PCDHA6: variants seen among roughly 807,000 people sequenced by gnomAD.
The protein encoded by PCDHA6 is protocadherin alpha 6.
A neutral mutation model predicts 60.3 loss-of-function variants in PCDHA6; 55 were observed. That is an observed-to-expected ratio of 0.91 (90% CI 0.73 to 1.14). The LOEUF is 1.14. PCDHA6 is among the 50% of genes most tolerant of loss of function. PCDHA6 has a pLI of 0.00. For synonymous variants in PCDHA6, 652 were observed against 557.9 expected, an observed-to-expected ratio of 1.17 and a Z score of -2.38; for missense variants, 1,327 against 1,256.5, an observed-to-expected ratio of 1.06 and a Z score of -0.85.
At chr5:140,839,836 C>A (rs1318845846) in intron 1 of PCDHA6, among the ~76,000 whole-genome samples, 1 of 151,888 alleles carries the variant, frequency 6.6e-6, no homozygotes, top group African/African-American at 2.4e-5. Flanking sequence ...CATGATGAAT[C>A]CATGGAGAAT....
At position 140,830,276 on chromosome 5, in the gene PCDHA6, G is replaced by A. The variant is rs2150184038; in HGVS notation, c.2185G>A (p.Glu729Lys). The change falls in exon 1 of 4, where the codon GAG becomes AAG. Residue 729 changes from glutamate (E) to lysine (K), a missense_variant. By Grantham distance (56) the Glu-to-Lys change is moderately conservative. Transcript: ENST00000529310. ...TALRCSAPPT[E>K]GACTADKPTL... The stretch of plus-strand genomic sequence containing the variant: ...GCTGCGGTGCTCGGCGCCACCCACC[G>A]AGGGCGCGTGCACGGCGGACAAGCC... The A allele has an allele frequency of 2.4e-5, 38 of 1,613,712 alleles. No individual in the cohort carries two copies. Among genetic ancestry groups the A allele is most frequent in the East Asian group, 2.2e-4 (10 of 44,876 alleles).
At chr5:140,966,950 G>A (rs782713044) in intron 1 of PCDHA6, 3 of 1,603,480 alleles carry the variant, frequency 1.9e-6, no homozygotes, top group Non-Finnish European at 2.5e-6. Flanking sequence ...GGGCAACGTG[G>A]CTCGCGCGCT....
chr5:140,870,264 G>C (rs1554163970), intron 1 of PCDHA6: 1 of 1,614,166 alleles, frequency 6.2e-7, no homozygotes, highest in South Asian at 1.1e-5. Context: ...TGACCTGCTC[G>C]CTGACGCCCC....
chr5:140,883,627 G>T (rs781902332), intron 1 of PCDHA6: 78 of 1,613,816 alleles, frequency 4.8e-5, no homozygotes, highest in Non-Finnish European at 6.2e-5. Flanking sequence ...ACAACGCGCC[G>T]GCGTTCGCGC....
chr5:140,928,569 GCCCAGAAATGGTTCTGT>G, intron 1 of PCDHA6: 1 of 1,614,202 alleles, frequency 6.2e-7, no homozygotes, highest in Non-Finnish European at 8.5e-7. Flanking sequence ...TGTTTCCCTT[GCCCAGAAATGGTTCTGT>G]CCCAGTGGAA....
At chr5:140,935,638 T>G (rs1452378093) in intron 1 of PCDHA6, among the ~76,000 whole-genome samples, 2 of 152,214 alleles carry the variant, frequency 1.3e-5, no homozygotes, top group Admixed American at 6.5e-5. Context: ...TAGGGCTTGC[T>G]TTTTAAATTT....
In PCDHA6 at chr5:140,830,105, A is replaced by G; in HGVS notation, c.2014A>G (p.Ser672Gly). Residue 672 changes from serine (S) to glycine (G), a missense_variant, in exon 1 of 4, where the codon AGT becomes GGT. Transcript: ENST00000529310. ...CACGGTTCTGGTGTCGCTGGTGGAG[A>G]GTGGCCAGGCTCCAAAGGCGTCATC... ...TATVLVSLVE[S>G]GQAPKASSRA... The G allele has an allele frequency of 6.2e-7, 1 of 1,613,218 alleles. No homozygotes were observed. Among genetic ancestry groups the G allele is most frequent in the African/African-American group, 1.3e-5 (1 of 74,890 alleles).
At chr5:140,859,461 A>G (rs1394799940) in intron 1 of PCDHA6, 1 of 216,144 alleles carries the variant, frequency 4.6e-6, no homozygotes, top group Non-Finnish European at 9.0e-6. Flanking sequence ...TGACAAAACT[A>G]CACTATCAAT....
intron 1 of PCDHA6, among the ~76,000 whole-genome samples, chr5:140,907,316 A>G (rs2073307783): frequency 6.6e-6 from 1 of 152,194 alleles, no homozygotes; most frequent in African/African-American, 2.4e-5. Flanking sequence ...GAACATGTAA[A>G]GACCAGTGAA....
rs2042053771 is a variant in PCDHA6, at chr5:140,851,409, G to T, written c.2394+20924G>T. The T allele has an allele frequency of 1.7e-5, 16 of 964,844 alleles. 3 individuals are homozygous for T. Among genetic ancestry groups the T allele is most frequent in the Non-Finnish European group, 1.6e-5 (13 of 797,918 alleles). The allele number at this position is 964,844 out of a possible 1,614,324, so 59.8% of individuals were successfully genotyped here. On this transcript the variant is annotated intron_variant, in intron 1 of 3. Transcript: ENST00000529310. ...CAGTATCTATTATTTTAATAAGAAA[G>T]AAACTTCCCCTAAACTTTAGAAAAC...
At chr5:140,844,109 T>A (rs1779229208) in intron 1 of PCDHA6, among the ~76,000 whole-genome samples, 1 of 149,768 alleles carries the variant, frequency 6.7e-6, no homozygotes, top group Non-Finnish European at 1.5e-5. Flanking sequence ...CCATATGCTG[T>A]ACTTTGAAAT....
At chr5:140,833,100 T>C (rs1432109647) in intron 1 of PCDHA6, among the ~76,000 whole-genome samples, 1 of 152,166 alleles carries the variant, frequency 6.6e-6, no homozygotes, top group Non-Finnish European at 1.5e-5. Context: ...ACGAGTAATT[T>C]TGACACTCTT....
intron 1 of PCDHA6, among the ~76,000 whole-genome samples, chr5:140,970,254 T>C (rs1315934666): frequency 1.3e-5 from 2 of 152,238 alleles, no homozygotes; most frequent in African/African-American, 4.8e-5. Context: ...TGACAGTTTC[T>C]ATGGTTTTGA....
intron 1 of PCDHA6, among the ~76,000 whole-genome samples, chr5:140,916,649 G>A (rs1331435832): frequency 6.6e-6 from 1 of 152,166 alleles, no homozygotes; most frequent in Non-Finnish European, 1.5e-5. Flanking sequence ...TGGCTGAGCT[G>A]GTATCCAAGA....
intron 3 of PCDHA6, among the ~76,000 whole-genome samples, chr5:141,000,634 G>A (rs1554257716): frequency 6.6e-6 from 1 of 150,928 alleles, no homozygotes; most frequent in Non-Finnish European, 1.5e-5. Context: ...CACCATGTTG[G>A]GCAGGCTGGT....
chr5:140,852,117 T>C, intron 1 of PCDHA6: 1 of 906,144 alleles, frequency 1.1e-6, no homozygotes, highest in Non-Finnish European at 1.3e-6. Context: ...AGGTATGACC[T>C]AATTAAAAAC....
Position 140,829,833 on chromosome 5 carries a change from T to A in PCDHA6, c.1742T>A (p.Val581Glu). The change falls in exon 1 of 4, where the codon GTG becomes GAG. Residue 581 changes from valine to glutamate, a missense_variant. Val to Glu is a moderately radical substitution (Grantham distance 121, BLOSUM62 -2). Coordinates refer to ENST00000529310, the MANE Select transcript of PCDHA6 (RefSeq NM_018909.4). ...GGTGGAVSEL[V>E]PRSLGAGQVV... ...ACTGGTGGTGCAGTGAGCGAGCTGG[T>A]GCCGCGGTCACTGGGTGCAGGCCAA... 3.7e-6 allele frequency: 6 copies of A among 1,613,890 alleles called. No homozygotes were observed. The highest frequency in any genetic ancestry group is 5.1e-6 in the Non-Finnish European group (6 of 1,179,874).
At chr5:140,903,770 C>T (rs1583503336) in intron 1 of PCDHA6, among the ~76,000 whole-genome samples, 1 of 152,136 alleles carries the variant, frequency 6.6e-6, no homozygotes, top group Non-Finnish European at 1.5e-5. Flanking sequence ...CTGAACTTTT[C>T]TATCCATAAA....
At chr5:140,913,789 T>C (rs2076466373) in intron 1 of PCDHA6, among the ~76,000 whole-genome samples, 1 of 152,176 alleles carries the variant, frequency 6.6e-6, no homozygotes, top group African/African-American at 2.4e-5. Context: ...CCATTATCAT[T>C]TGTTTGAATC....
Sources: gnomAD v4.1 joint callset for allele counts (sites outside exome capture counted in the v4.1 genomes callset) on GRCh38, gnomAD v4.1.1 for gene constraint, MANE v1.5 for transcripts, NCBI Gene and HGNC (gene_info 2026-07-23, HGNC 2026-07-21) for gene names.